TRMT11: variants seen among roughly 807,000 people sequenced by gnomAD.
The protein encoded by TRMT11 is tRNA methyltransferase 11.
TRMT11 carries 53 observed loss-of-function variants against 62.8 expected under a neutral mutation model. The observed-to-expected ratio is 0.84, with a 90% CI of 0.68 to 1.06. The LOEUF is 1.06. Ranked by LOEUF, TRMT11 falls within the 50% of genes least tolerant of loss-of-function variation. The probability of loss-of-function intolerance (pLI) is 0.00; values close to 1 mark genes in which losing one functional copy is unlikely to be tolerated. For missense variants in TRMT11, 556 were observed against 553.4 expected, an observed-to-expected ratio of 1.00 and a Z score of -0.05; for synonymous variants, 188 against 190.3, an observed-to-expected ratio of 0.99 and a Z score of 0.10.
chr6:126,160,923 G>T (rs986231148), intron 21 of TRMT11, among the ~76,000 whole-genome samples: 7 of 152,060 alleles, frequency 4.6e-5, no homozygotes, highest in Admixed American at 6.6e-5. Flanking sequence ...CAAGAAGAAA[G>T]AAATAAAAGT....
chr6:126,269,254 A>ACTC, the TRMT11 span, among the ~76,000 whole-genome samples: 2 of 128,182 alleles, frequency 1.6e-5, no homozygotes, highest in African/African-American at 3.2e-5. Context: ...ACAGAGCGAG[A>ACTC]CTCCGTCTCA....
At chr6:126,047,478 G>T (rs776321265) in intron 16 of TRMT11, among the ~76,000 whole-genome samples, 23 of 151,802 alleles carry the variant, frequency 1.5e-4, no homozygotes, top group Non-Finnish European at 3.2e-4. Context: ...CATCCATCCC[G>T]CTGAGAGCCA....
At chr6:126,228,776 C>A in the TRMT11 span, among the ~76,000 whole-genome samples, 2 of 152,154 alleles carry the variant, frequency 1.3e-5, no homozygotes, top group Admixed American at 1.3e-4. Flanking sequence ...ATAAACCAAG[C>A]AAACTCTCAG....
chr6:126,256,133 T>C, the TRMT11 span, among the ~76,000 whole-genome samples: 1 of 152,224 alleles, frequency 6.6e-6, no homozygotes, highest in Admixed American at 6.5e-5. Context: ...GTAGGAGGTC[T>C]CAGTTTCTCT....
chr6:126,063,383 A>T (rs1248711373), intron 17 of TRMT11, among the ~76,000 whole-genome samples: 1 of 152,256 alleles, frequency 6.6e-6, no homozygotes, highest in South Asian at 2.1e-4. Flanking sequence ...AATTTCCCTA[A>T]GAATGTGGGA....
downstream of TRMT11, among the ~76,000 whole-genome samples, chr6:126,043,996 C>T (rs62426452): frequency 6.6e-5 from 10 of 151,116 alleles, no homozygotes; most frequent in South Asian, 6.4e-4. Context: ...TTCTCCCATT[C>T]TGTAGGTTGC....
At chr6:126,133,971 T>C (rs541386578) in intron 21 of TRMT11, among the ~76,000 whole-genome samples, 1 of 152,072 alleles carries the variant, frequency 6.6e-6, no homozygotes, top group Non-Finnish European at 1.5e-5. Context: ...AGTTGAGTTG[T>C]TGATACTCCC....
intron 3 of TRMT11, among the ~76,000 whole-genome samples, chr6:126,200,128 C>T (rs1045577582): frequency 1.3e-5 from 2 of 152,152 alleles, no homozygotes; most frequent in Non-Finnish European, 2.9e-5. Flanking sequence ...GGACAGAATT[C>T]TGAAGGTGCT....
chr6:126,163,095 G>T (rs1778215003), intron 21 of TRMT11, among the ~76,000 whole-genome samples: 1 of 152,160 alleles, frequency 6.6e-6, no homozygotes, highest in African/African-American at 2.4e-5. Flanking sequence ...CCAATACTAG[G>T]TTGAGTAGGA....
chr6:125,993,151 T>A (rs1038069183), intron 1 of TRMT11, among the ~76,000 whole-genome samples: 1 of 152,210 alleles, frequency 6.6e-6, no homozygotes. Flanking sequence ...TTTAAGGAGA[T>A]AACTTGTTAG....
chr6:126,062,492 A>C (rs1009820081), intron 17 of TRMT11, among the ~76,000 whole-genome samples: 2 of 152,242 alleles, frequency 1.3e-5, no homozygotes, highest in Admixed American at 6.5e-5. Context: ...TTTCGTGGCA[A>C]CTTCAAACTT....
At chr6:126,160,727 A>G (rs1778180274) in intron 21 of TRMT11, among the ~76,000 whole-genome samples, 2 of 152,028 alleles carry the variant, frequency 1.3e-5, no homozygotes, top group Admixed American at 1.3e-4. Flanking sequence ...TTTAATCCCA[A>G]ACTGAAAACA....
At chr6:126,124,728 A>G (rs1777694694) in intron 21 of TRMT11, among the ~76,000 whole-genome samples, 1 of 152,074 alleles carries the variant, frequency 6.6e-6, no homozygotes. Flanking sequence ...AGCCTAGATC[A>G]ACCAACCAAT....
At chr6:126,009,018 T>C (rs866166852) in intron 8 of TRMT11, among the ~76,000 whole-genome samples, 3 of 151,948 alleles carry the variant, frequency 2.0e-5, no homozygotes, top group African/African-American at 2.4e-5. Context: ...AAAGTCCTGC[T>C]CTCAGAGGGC....
the TRMT11 span, among the ~76,000 whole-genome samples, chr6:126,240,226 A>T: frequency 6.6e-6 from 1 of 152,164 alleles, no homozygotes; most frequent in Non-Finnish European, 1.5e-5. Context: ...GTCATTCTCC[A>T]TCCAGCTTTG....
chr6:126,257,998 G>T, the TRMT11 span: 1 of 1,537,762 alleles, frequency 6.5e-7, no homozygotes, highest in East Asian at 2.3e-5. Flanking sequence ...GCCTCGGTGG[G>T]TTTGTAACAG....
At chr6:126,102,824 T>C (rs927665908) in intron 17 of TRMT11, among the ~76,000 whole-genome samples, 1 of 152,206 alleles carries the variant, frequency 6.6e-6, no homozygotes, top group Non-Finnish European at 1.5e-5. Flanking sequence ...GCTAAGCACT[T>C]TAATTCTGTT....
chr6:126,004,383 G>A (rs1225131092), intron 7 of TRMT11, among the ~76,000 whole-genome samples: 2 of 151,988 alleles, frequency 1.3e-5, no homozygotes, highest in Admixed American at 1.3e-4. Context: ...AATGAGAGGA[G>A]GATCTTTGCA....
At chr6:126,028,394 G>A (rs1455294772) in intron 12 of TRMT11, among the ~76,000 whole-genome samples, 1 of 152,110 alleles carries the variant, frequency 6.6e-6, no homozygotes, top group Non-Finnish European at 1.5e-5. Flanking sequence ...GTTCATGTGT[G>A]TATCTGAGAG....
Sources: allele counts gnomAD v4.1 joint callset (sites outside exome capture counted in the v4.1 genomes callset), GRCh38; gene constraint gnomAD v4.1.1; transcripts MANE v1.5; gene names NCBI Gene and HGNC (gene_info 2026-07-23, HGNC 2026-07-21).